Variants in WDR27 observed in about 807,000 individuals in gnomAD.
WDR27 encodes WD repeat domain 27, also known as WD repeat-containing protein 27.
Under a neutral mutation model 114.4 loss-of-function variants are expected in WDR27, and 100 were observed. That is an observed-to-expected ratio of 0.87 (90% CI 0.74 to 1.03). WDR27 has a LOEUF of 1.03. Among genes scored for constraint, WDR27 ranks in the 50% least tolerant of loss-of-function variants. WDR27 has a pLI of 0.00. For synonymous variants in WDR27, 449 were observed against 423.1 expected, an observed-to-expected ratio of 1.06 and a Z score of -0.75; for missense variants, 1,129 against 1,092.9, an observed-to-expected ratio of 1.03 and a Z score of -0.47.
intron 21 of WDR27, among the ~76,000 whole-genome samples, chr6:169,628,507 G>C (rs1253493563): frequency 6.6e-6 from 1 of 152,170 alleles, no homozygotes; most frequent in Non-Finnish European, 1.5e-5. Flanking sequence ...CACACAGGAG[G>C]TAAAACAAGT....
chr6:169,561,811 C>A (rs1345781556), intron 25 of WDR27, among the ~76,000 whole-genome samples: 1 of 151,976 alleles, frequency 6.6e-6, no homozygotes, highest in East Asian at 1.9e-4. Context: ...TTAAATACAG[C>A]CTATAAGAAA....
chr6:169,618,026 G>A (rs1239509538), intron 21 of WDR27, among the ~76,000 whole-genome samples: 2 of 152,146 alleles, frequency 1.3e-5, no homozygotes, highest in Non-Finnish European at 2.9e-5. Context: ...CTTCTGAATG[G>A]GTACTAGGGA....
chr6:169,489,934 A>T (rs535242750), intron 25 of WDR27, among the ~76,000 whole-genome samples: 4 of 152,326 alleles, frequency 2.6e-5, no homozygotes, highest in African/African-American at 9.6e-5. Context: ...CCAGTAACTC[A>T]ACTTCACAAA....
chr6:169,660,615 T>C, intron 10 of WDR27, 48 bp downstream of exon 10: 3 of 1,519,630 alleles, frequency 2.0e-6, no homozygotes, highest in Non-Finnish European at 2.7e-6. Context: ...CACATACCAG[T>C]CAAAGGAAAA....
intron 1 of WDR27, 60 bp downstream of exon 1, chr6:169,701,491 G>T (rs1788035270): frequency 6.6e-6 from 1 of 152,490 alleles, no homozygotes; most frequent in Admixed American, 6.5e-5. Context: ...CTAAACTACT[G>T]AATCTTTTAA....
chr6:169,471,005 G>T (rs1237362805), intron 25 of WDR27, among the ~76,000 whole-genome samples: 1 of 152,022 alleles, frequency 6.6e-6, no homozygotes, highest in East Asian at 1.9e-4. Context: ...AGCCACATGG[G>T]GCTTTCGCTC....
At position 169,470,853 on chromosome 6, in the gene WDR27, A is replaced by G. The variant is rs571923509; in HGVS notation, c.2646-13219T>C. ...GGTCCATAGCACAAGATGTGGCTTT[A>G]TAAGCTTTTTAAATAACAAAAGTGG... On this transcript the variant is annotated intron_variant, in intron 25 of 25. Coordinates refer to ENST00000448612, the MANE Select transcript of WDR27 (RefSeq NM_182552.5). Among the ~76,000 whole-genome samples the G allele has an allele frequency of 5.7e-4, 87 of 152,284 alleles. 1 individual carries two copies. Among genetic ancestry groups the G allele is most frequent in the African/African-American group, 1.8e-3 (75 of 41,580 alleles).
intron 23 of WDR27, among the ~76,000 whole-genome samples, chr6:169,597,877 T>TACACACAC (rs67336814): frequency 0.025 from 3,621 of 142,228 alleles, 57 homozygotes; most frequent in East Asian, 0.06. Context: ...TTACCATTCA[T>TACACACAC]ACACACACAC....
downstream of WDR27, among the ~76,000 whole-genome samples, chr6:169,452,454 C>T (rs543165614): frequency 4.7e-4 from 71 of 152,234 alleles, no homozygotes; most frequent in Non-Finnish European, 8.8e-4. Flanking sequence ...GAAGAAACGG[C>T]TGCAGTGAGA....
chr6:169,447,382 A>C, the WDR27 span, among the ~76,000 whole-genome samples: 1 of 152,206 alleles, frequency 6.6e-6, no homozygotes, highest in Non-Finnish European at 1.5e-5. Flanking sequence ...ATGTTTGATA[A>C]AACTTCCTGG....
intron 25 of WDR27, among the ~76,000 whole-genome samples, chr6:169,572,134 A>T (rs1295281761): frequency 6.6e-6 from 1 of 152,246 alleles, no homozygotes; most frequent in East Asian, 1.9e-4. Context: ...CATATAGTGT[A>T]AATACAAAGA....
chr6:169,483,783 T>C (rs1788517077), intron 25 of WDR27, among the ~76,000 whole-genome samples: 2 of 150,076 alleles, frequency 1.3e-5, no homozygotes, highest in Non-Finnish European at 3.0e-5. Flanking sequence ...CTGAAGAAAA[T>C]ACTAGCAAAC....
At chr6:169,665,132 C>T (rs1482911231) in intron 7 of WDR27, 2 of 1,013,428 alleles carry the variant, frequency 2.0e-6, no homozygotes, top group Non-Finnish European at 2.4e-6. Context: ...CCGTCCAGGG[C>T]GCCTCTCCGG....
At chr6:169,465,767 T>C (rs994162553) in intron 25 of WDR27, among the ~76,000 whole-genome samples, 1 of 152,218 alleles carries the variant, frequency 6.6e-6, no homozygotes, top group South Asian at 2.1e-4. Flanking sequence ...GAGGACATTA[T>C]GCAAAGTGAA....
At chr6:169,450,007 T>G in the WDR27 span, among the ~76,000 whole-genome samples, 68 of 152,364 alleles carry the variant, frequency 4.5e-4, no homozygotes, top group African/African-American at 1.5e-3. Context: ...TCTTTGTATA[T>G]TTTAATTTAT....
intron 25 of WDR27, 58 bp downstream of exon 25, chr6:169,572,361 T>A (rs1801562119): frequency 6.6e-6 from 1 of 151,994 alleles, no homozygotes; most frequent in Non-Finnish European, 1.5e-5. Flanking sequence ...CTGGCCAACA[T>A]GGTGAAACCC....
At chr6:169,443,589 T>G in the WDR27 span, among the ~76,000 whole-genome samples, 3 of 152,084 alleles carry the variant, frequency 2.0e-5, no homozygotes, top group Non-Finnish European at 2.9e-5. Flanking sequence ...TCCATAGCAG[T>G]AAGAATGGAA....
At chr6:169,624,382 C>T (rs1329982488) in intron 21 of WDR27, among the ~76,000 whole-genome samples, 1 of 152,152 alleles carries the variant, frequency 6.6e-6, no homozygotes, top group African/African-American at 2.4e-5. Context: ...TCCAGGTGTG[C>T]AAAAGGAGAT....
intron 1 of WDR27, among the ~76,000 whole-genome samples, chr6:169,690,522 C>T (rs974878514): frequency 6.6e-6 from 1 of 152,216 alleles, no homozygotes; most frequent in Non-Finnish European, 1.5e-5. Flanking sequence ...GCAGAGGCCC[C>T]TGAGAGCTGG....
Sources: allele counts gnomAD v4.1 joint callset (sites outside exome capture counted in the v4.1 genomes callset), GRCh38; gene constraint gnomAD v4.1.1; transcripts MANE v1.5; gene names NCBI Gene and HGNC (gene_info 2026-07-23, HGNC 2026-07-21).